Variants in CRTC3 observed in about 807,000 individuals in gnomAD.
CRTC3 encodes the protein CREB-regulated transcription coactivator 3.
CRTC3 carries 26 observed loss-of-function variants against 74.5 expected under a neutral mutation model. The ratio of observed to expected loss-of-function variants is 0.35; its 90% CI spans 0.26 to 0.48. The LOEUF is 0.48. Ranked by LOEUF, CRTC3 falls within the 20% of genes least tolerant of loss-of-function variation. The probability of loss-of-function intolerance (pLI) is 0.99; values close to 1 mark genes in which losing one functional copy is unlikely to be tolerated. For missense variants in CRTC3, 760 were observed against 787.3 expected, an observed-to-expected ratio of 0.97 and a Z score of 0.41; for synonymous variants, 377 against 325.8, an observed-to-expected ratio of 1.16 and a Z score of -1.69.
At chr15:90,554,750 G>A (rs940970517) in intron 2 of CRTC3, among the ~76,000 whole-genome samples, 10 of 152,298 alleles carry the variant, frequency 6.6e-5, no homozygotes, top group Admixed American at 5.9e-4. Flanking sequence ...CGTGTGAAGC[G>A]CCTGGTGCAG....
intron 2 of CRTC3, among the ~76,000 whole-genome samples, chr15:90,584,205 T>C (rs1489783734): frequency 6.6e-6 from 1 of 151,174 alleles, no homozygotes; most frequent in East Asian, 1.9e-4. Context: ...CCTTACTTCC[T>C]AAACTTGATA....
chr15:90,621,048 A>C (rs768827894), intron 9 of CRTC3, among the ~76,000 whole-genome samples: 1 of 152,176 alleles, frequency 6.6e-6, no homozygotes, highest in Admixed American at 6.5e-5. Context: ...ATGCCCAACA[A>C]AAGACAGGCC....
intron 2 of CRTC3, among the ~76,000 whole-genome samples, chr15:90,590,758 C>A (rs944001693): frequency 6.6e-6 from 1 of 152,076 alleles, no homozygotes; most frequent in Non-Finnish European, 1.5e-5. Context: ...AAGGTTAAGC[C>A]AAATATAGTT....
chr15:90,631,702 C>T (rs1181122183), intron 11 of CRTC3, among the ~76,000 whole-genome samples: 2 of 146,576 alleles, frequency 1.4e-5, no homozygotes, highest in African/African-American at 5.1e-5. Context: ...GCACTCCAGC[C>T]TGGGTGACAG....
At chr15:90,577,509 T>A (rs1967434736) in intron 2 of CRTC3, among the ~76,000 whole-genome samples, 1 of 152,174 alleles carries the variant, frequency 6.6e-6, no homozygotes, top group Non-Finnish European at 1.5e-5. Flanking sequence ...AGTTGAAGAT[T>A]AAGTTTAAAA....
intron 9 of CRTC3, 107 bp from the exon 10 acceptor site, chr15:90,625,669 T>TTA: frequency 2.9e-6 from 3 of 1,021,174 alleles, no homozygotes; most frequent in Non-Finnish European, 4.5e-6. Flanking sequence ...GACCTCGGTC[T>TTA]TTTGTAGCCA....
chr15:90,549,247 C>T (rs535826361), intron 2 of CRTC3, among the ~76,000 whole-genome samples: 17 of 151,826 alleles, frequency 1.1e-4, no homozygotes, highest in African/African-American at 3.6e-4. Context: ...AGTTTCACTG[C>T]CCCCTTATTG....
chr15:90,618,206 TAA>T (rs11372294), intron 8 of CRTC3: 26 of 161,684 alleles, frequency 1.6e-4, no homozygotes, highest in East Asian at 9.9e-4. Context: ...TTGACTTATT[TAA>T]AAAAAAAAAA....
At position 90,643,509 on chromosome 15, in the gene CRTC3, C is replaced by T. The variant is rs1321149530; in HGVS notation, c.*1369C>T. 1.7e-5 allele frequency: 4 copies of T among 229,198 alleles called. No individual in the cohort carries two copies. The highest frequency in any genetic ancestry group is 8.9e-5 in the African/African-American group (4 of 45,156). 14.2% of individuals were successfully genotyped at this position (229,198 alleles called of 1,614,324 possible). Reference sequence around the variant, plus strand: ...CTGGGCCCCACCCAGGAAGATCTTCCTTCTCAGATCCACGTTTGGCTCTAA... The same window carrying T: ...CTGGGCCCCACCCAGGAAGATCTTCTTTCTCAGATCCACGTTTGGCTCTAA... On this transcript the variant is annotated 3_prime_UTR_variant, in exon 15 of 15. Transcript: ENST00000268184.
At chr15:90,563,265 A>T (rs2151066549) in intron 2 of CRTC3, among the ~76,000 whole-genome samples, 1 of 152,004 alleles carries the variant, frequency 6.6e-6, no homozygotes, top group African/African-American at 2.4e-5. Context: ...AATTAGCCAG[A>T]TGGAGTGGTC....
chr15:90,617,137 T>C (rs1379408364), intron 7 of CRTC3, among the ~76,000 whole-genome samples: 4 of 152,076 alleles, frequency 2.6e-5, no homozygotes, highest in African/African-American at 9.7e-5. Context: ...CCTTCCCCTC[T>C]CTTGGAATTC....
chr15:90,638,226 T>G, intron 11 of CRTC3: 1 of 496,678 alleles, frequency 2.0e-6, no homozygotes, highest in Non-Finnish European at 3.6e-6. Flanking sequence ...TTAGTTCTTT[T>G]AAGACAATAG....
chr15:90,568,229 A>G lies in CRTC3; in HGVS notation c.232-25407A>G, dbSNP rs74932558. On this transcript the variant is annotated intron_variant, in intron 2 of 14. Coordinates refer to ENST00000268184, the MANE Select transcript of CRTC3 (RefSeq NM_022769.5). ...GGAATTGCTTCTTGTGGATGAGCAAAGAAAGTGGTTTCTAGAGATGGAATC... is the reference window on the plus strand; with the variant it reads ...GGAATTGCTTCTTGTGGATGAGCAAGGAAAGTGGTTTCTAGAGATGGAATC... 9.0e-3 allele frequency among the ~76,000 whole-genome samples: 1,376 copies of G among 152,340 alleles called. 47 individuals are homozygous for G. In the East Asian group the frequency reaches 0.12, roughly 13 times the overall value.
chr15:90,593,178 C>A (rs1476518243), intron 2 of CRTC3, among the ~76,000 whole-genome samples: 1 of 152,116 alleles, frequency 6.6e-6, no homozygotes, highest in Non-Finnish European at 1.5e-5. Flanking sequence ...AAAAAAAATT[C>A]TGACTTTTCC....
At chr15:90,534,935 G>A (rs952735197) in intron 1 of CRTC3, among the ~76,000 whole-genome samples, 8 of 152,106 alleles carry the variant, frequency 5.3e-5, no homozygotes, top group South Asian at 2.1e-4. Context: ...CAAGGCAGGC[G>A]GATCACCTAA....
intron 14 of CRTC3, 51 bp downstream of exon 14, chr15:90,641,250 T>G (rs1969430637): frequency 2.5e-6 from 3 of 1,185,516 alleles, no homozygotes; most frequent in Non-Finnish European, 2.5e-6. Flanking sequence ...TGTTGTGTGT[T>G]CAGGAACCTT....
intron 1 of CRTC3, among the ~76,000 whole-genome samples, chr15:90,535,232 A>G (rs924557144): frequency 6.6e-6 from 1 of 152,038 alleles, no homozygotes; most frequent in African/African-American, 2.4e-5. Context: ...CTAAGGAACT[A>G]CACCATTTGA....
chr15:90,592,524 G>C (rs1351186772), intron 2 of CRTC3, among the ~76,000 whole-genome samples: 1 of 152,184 alleles, frequency 6.6e-6, no homozygotes, highest in African/African-American at 2.4e-5. Context: ...GTTGCCCTTT[G>C]TGATACCAGT....
At chr15:90,633,102 C>A (rs1969101816) in intron 11 of CRTC3, among the ~76,000 whole-genome samples, 1 of 152,188 alleles carries the variant, frequency 6.6e-6, no homozygotes, top group African/African-American at 2.4e-5. Flanking sequence ...TAGAGCAATA[C>A]TCAATATTTA....
Sources: gnomAD v4.1 joint callset for allele counts (sites outside exome capture counted in the v4.1 genomes callset) on GRCh38, gnomAD v4.1.1 for gene constraint, MANE v1.5 for transcripts, NCBI Gene and HGNC (gene_info 2026-07-23, HGNC 2026-07-21) for gene names.